MLLT10: variants seen among roughly 807,000 people sequenced by gnomAD.
The protein encoded by MLLT10 is protein AF-10.
MLLT10 carries 30 observed loss-of-function variants against 129.1 expected under a neutral mutation model. The ratio of observed to expected loss-of-function variants is 0.23; its 90% CI spans 0.17 to 0.32. The LOEUF is 0.32. Among genes scored for constraint, MLLT10 ranks in the 10% least tolerant of loss-of-function variants. MLLT10 has a pLI of 1.00. For missense variants in MLLT10, 1,119 were observed against 1,268.3 expected (o/e 0.88, Z 1.79); for synonymous variants, 490 against 446.4 (o/e 1.10, Z -1.23).
intron 5 of MLLT10, among the ~76,000 whole-genome samples, chr10:21,607,395 A>G (rs1007877822): frequency 1.4e-5 from 2 of 139,520 alleles, no homozygotes; most frequent in South Asian, 2.2e-4. Flanking sequence ...ATCTCGTCTC[A>G]CCACAACCTC....
chr10:21,546,823 G>T (rs567195150), intron 3 of MLLT10, among the ~76,000 whole-genome samples: 9 of 152,032 alleles, frequency 5.9e-5, no homozygotes, highest in African/African-American at 2.2e-4. Flanking sequence ...CGCTTCCCGG[G>T]TTCAAGCGAT....
At position 21,673,622 on chromosome 10, in the gene MLLT10, A is replaced by G. The variant is rs768031011; in HGVS notation, c.1324A>G (p.Asn442Asp). Residue 442 changes from asparagine (N) to aspartate (D), a missense_variant, in exon 11 of 23, where the codon AAT becomes GAT. By Grantham distance (23) the Asn-to-Asp change is conservative. This residue lies in a region of MLLT10 where 1,004 missense variants were observed against 1,008.7 expected (regional missense o/e 1.00). Transcript: ENST00000307729. ...SFENSPGDLGNSSLPTAGYKR... is the reference protein window; with the variant it reads ...SFENSPGDLGDSSLPTAGYKR... ...TGAAAATTCACCTGGAGATTTGGGT[A>G]ATTCCAGCCTTCCTACAGCAGGATA... The G allele has an allele frequency of 6.2e-7, 1 of 1,613,846 alleles. No homozygotes were observed. The highest frequency in any genetic ancestry group is 2.2e-5 in the East Asian group (1 of 44,884).
At chr10:21,628,949 A>T (rs1460231214) in intron 8 of MLLT10, among the ~76,000 whole-genome samples, 2 of 151,130 alleles carry the variant, frequency 1.3e-5, no homozygotes, top group Admixed American at 6.6e-5. Flanking sequence ...GGGTTTCACC[A>T]TGTTGGCCAG....
chr10:21,693,652 C>T (rs1182371386), intron 13 of MLLT10, among the ~76,000 whole-genome samples: 1 of 151,752 alleles, frequency 6.6e-6, no homozygotes, highest in Non-Finnish European at 1.5e-5. Flanking sequence ...AGAATTCATG[C>T]GTTTCACCGA....
In MLLT10 at chr10:21,727,958, G is replaced by A. The variant is rs148452141; in HGVS notation, c.2063+30G>A. The A allele has an allele frequency of 3.1e-6, 5 of 1,597,892 alleles. No individual in the cohort carries two copies. In the African/African-American group the frequency reaches 5.4e-5, roughly 17 times the overall value. On this transcript the variant is annotated intron_variant, in intron 16 of 22. Transcript: ENST00000307729. ...GCGCTATTTACACTGCAAAGTATAG[G>A]CAAAGGAAACGTTTGAGATTTGGAA...
chr10:21,657,733 C>T (rs1158003833), intron 9 of MLLT10, among the ~76,000 whole-genome samples: 2 of 152,054 alleles, frequency 1.3e-5, no homozygotes, highest in African/African-American at 4.8e-5. Context: ...AGGTTTTTGT[C>T]TCTTTCTCTT....
At chr10:21,562,824 T>G (rs377280784) in intron 3 of MLLT10, among the ~76,000 whole-genome samples, 3,659 of 138,834 alleles carry the variant, frequency 0.026, 146 homozygotes, top group Non-Finnish European at 0.042. Context: ...TTTTGTTTTT[T>G]TTTTTTTTTT....
At chr10:21,604,124 A>G (rs1453001964) in intron 5 of MLLT10, among the ~76,000 whole-genome samples, 1 of 152,146 alleles carries the variant, frequency 6.6e-6, no homozygotes, top group African/African-American at 2.4e-5. Context: ...CTTTCCACAT[A>G]CAAAATAGGT....
At chr10:21,658,297 T>C (rs2049811943) in intron 9 of MLLT10, among the ~76,000 whole-genome samples, 1 of 152,228 alleles carries the variant, frequency 6.6e-6, no homozygotes, top group African/African-American at 2.4e-5. Flanking sequence ...AAGCAACTAC[T>C]GATCTGCTTT....
chr10:21,586,613 C>T (rs1589097136), intron 4 of MLLT10, among the ~76,000 whole-genome samples: 2 of 152,052 alleles, frequency 1.3e-5, no homozygotes, highest in South Asian at 2.1e-4. Flanking sequence ...TTTGGCTGGG[C>T]GAGGTGGCTC....
intron 3 of MLLT10, among the ~76,000 whole-genome samples, chr10:21,561,288 C>G (rs1257572440): frequency 6.6e-6 from 1 of 151,976 alleles, no homozygotes; most frequent in Admixed American, 6.6e-5. Flanking sequence ...GCTCTGTTGC[C>G]CAGGCTGGAG....
At position 21,658,908 on chromosome 10, in the gene MLLT10, C is replaced by T. The variant is rs190798794; in HGVS notation, c.795+7140C>T. Among the ~76,000 whole-genome samples the T allele has an allele frequency of 3.8e-3, 576 of 152,192 alleles. 5 individuals carry two copies. The highest frequency in any genetic ancestry group is 0.013 in the African/African-American group (545 of 41,538). ...GTCTCAATCTCTGGACCTCGTGATCCGCCCTCCTAGGCCTCCCAAAGTGCT... is the reference window on the plus strand; with the variant it reads ...GTCTCAATCTCTGGACCTCGTGATCTGCCCTCCTAGGCCTCCCAAAGTGCT... On this transcript the variant is annotated intron_variant, in intron 9 of 22. Transcript: ENST00000307729.
At position 21,673,339 on chromosome 10, in the gene MLLT10, TTA is replaced by T. The variant is rs1491089872; in HGVS notation, c.1052-10_1052-9del. 6.6e-6 allele frequency: 5 copies of T among 763,248 alleles called. No homozygotes were observed. 47.3% of individuals were successfully genotyped at this position (763,248 alleles called of 1,614,324 possible). A position where few individuals can be genotyped will look rare whatever the true frequency, so the allele number is the denominator to read the frequency against. ...CCAACTTTTTTTTTTTTTTTTTTTT[TTA>T]AACTACAGGCAGTTTTTCAGGAACT... is the stretch of plus-strand genomic sequence containing the variant. On this transcript the variant is annotated splice_polypyrimidine_tract_variant and intron_variant, in intron 10 of 22. Coordinates refer to ENST00000307729, the MANE Select transcript of MLLT10 (RefSeq NM_001195626.3).
intron 8 of MLLT10, among the ~76,000 whole-genome samples, chr10:21,637,361 T>C (rs2047560566): frequency 6.6e-6 from 1 of 152,176 alleles, no homozygotes; most frequent in African/African-American, 2.4e-5. Context: ...GCCCCTGTTA[T>C]TTAAAGAGTT....
At chr10:21,602,968 G>A (rs1168644787) in intron 5 of MLLT10, among the ~76,000 whole-genome samples, 1 of 151,780 alleles carries the variant, frequency 6.6e-6, no homozygotes, top group Non-Finnish European at 1.5e-5. Context: ...TCCTGACCTG[G>A]TGATCCACCT....
chr10:21,606,282 T>C (rs1246552096), intron 5 of MLLT10, among the ~76,000 whole-genome samples: 1 of 152,196 alleles, frequency 6.6e-6, no homozygotes, highest in East Asian at 1.9e-4. Context: ...ACCTAAGAGC[T>C]CTGTTGAAGA....
At chr10:21,618,279 G>A (rs868344457) in intron 8 of MLLT10, among the ~76,000 whole-genome samples, 5 of 151,962 alleles carry the variant, frequency 3.3e-5, no homozygotes, top group Non-Finnish European at 4.4e-5. Context: ...GAGGCTGAGG[G>A]AGGTGGAGGA....
intron 3 of MLLT10, among the ~76,000 whole-genome samples, chr10:21,553,832 TAG>T: frequency 6.6e-6 from 1 of 151,974 alleles, no homozygotes; most frequent in Non-Finnish European, 1.5e-5. Flanking sequence ...GTATTTTTAG[TAG>T]AGATGAGGTT....
chr10:21,631,106 C>T (rs61850054), intron 8 of MLLT10, among the ~76,000 whole-genome samples: 2 of 151,842 alleles, frequency 1.3e-5, no homozygotes, highest in South Asian at 2.1e-4. Flanking sequence ...GTCAGGAGAT[C>T]GAGACCATCC....
Sources: gnomAD v4.1 joint callset for allele counts (sites outside exome capture counted in the v4.1 genomes callset) on GRCh38, gnomAD v4.1.1 for gene constraint, gnomAD v4.1.1 regional missense constraint, MANE v1.5 for transcripts, NCBI Gene and HGNC (gene_info 2026-07-23, HGNC 2026-07-21) for gene names.